GRID2: variants seen among roughly 807,000 people sequenced by gnomAD.
GRID2 encodes glutamate ionotropic receptor delta type subunit 2.
Under a neutral mutation model 114.8 loss-of-function variants are expected in GRID2, and 33 were observed. That is an observed-to-expected ratio of 0.29 (90% CI 0.22 to 0.38). The LOEUF (loss-of-function observed/expected upper bound fraction) is 0.38, where lower values mean the gene tolerates loss of function less well. GRID2 is among the 10% of genes least tolerant of loss of function. GRID2 has a pLI of 1.00. For synonymous variants in GRID2, 505 were observed against 449.9 expected, an observed-to-expected ratio of 1.12 and a Z score of -1.55; for missense variants, 1,184 against 1,257.7, an observed-to-expected ratio of 0.94 and a Z score of 0.89.
At chr4:93,418,167 C>T (rs533888668) in intron 9 of GRID2, among the ~76,000 whole-genome samples, 3 of 151,834 alleles carry the variant, frequency 2.0e-5, no homozygotes, top group African/African-American at 7.2e-5. Context: ...TCTATTTCGA[C>T]TTCTAGAAAT....
At chr4:92,562,294 T>A (rs1323387990) in intron 1 of GRID2, among the ~76,000 whole-genome samples, 1 of 152,202 alleles carries the variant, frequency 6.6e-6, no homozygotes, top group Non-Finnish European at 1.5e-5. Flanking sequence ...GATAAAATTA[T>A]TCTGATTTTC....
intron 2 of GRID2, among the ~76,000 whole-genome samples, chr4:92,731,451 T>C (rs1736325510): frequency 6.6e-6 from 1 of 151,846 alleles, no homozygotes; most frequent in Non-Finnish European, 1.5e-5. Context: ...TCTAAGAAAA[T>C]TCTGAAATAC....
chr4:93,545,362 A>G (rs879570588), intron 13 of GRID2, among the ~76,000 whole-genome samples: 2 of 152,192 alleles, frequency 1.3e-5, no homozygotes, highest in African/African-American at 2.4e-5. Context: ...GATAAGATTT[A>G]GTAGCTATGG....
At chr4:93,112,992 G>A (rs116801450) in intron 4 of GRID2, among the ~76,000 whole-genome samples, 2,261 of 152,160 alleles carry the variant, frequency 0.015, 27 homozygotes, top group Non-Finnish European at 0.024. Context: ...CTAAGGTACC[G>A]GATATTAGGA....
chr4:92,708,936 G>A (rs1487875651), intron 2 of GRID2, among the ~76,000 whole-genome samples: 4 of 152,114 alleles, frequency 2.6e-5, no homozygotes, highest in African/African-American at 9.6e-5. Context: ...TAAATAAAGG[G>A]GGAAATATTT....
chr4:92,986,371 A>C (rs763302394), intron 2 of GRID2, among the ~76,000 whole-genome samples: 10 of 152,218 alleles, frequency 6.6e-5, no homozygotes, highest in Non-Finnish European at 1.5e-4. Flanking sequence ...GTCAAGAAAA[A>C]GTGAAAAATA....
At chr4:93,112,651 T>C (rs1732878803) in intron 4 of GRID2, among the ~76,000 whole-genome samples, 1 of 152,080 alleles carries the variant, frequency 6.6e-6, no homozygotes, top group South Asian at 2.1e-4. Context: ...ATAATGCTAG[T>C]GTATTCCTTT....
intron 2 of GRID2, among the ~76,000 whole-genome samples, chr4:92,956,507 A>AT (rs1179723938): frequency 6.6e-6 from 1 of 151,920 alleles, no homozygotes; most frequent in Admixed American, 6.6e-5. Flanking sequence ...TTGATAGCTC[A>AT]TTTTTTTAGT....
chr4:92,903,181 C>T (rs549304883), intron 2 of GRID2, among the ~76,000 whole-genome samples: 1 of 151,330 alleles, frequency 6.6e-6, no homozygotes, highest in African/African-American at 2.4e-5. Context: ...TCTTCTGATT[C>T]ATGAGCATGG....
At chr4:93,779,205 T>C (rs1242256956), downstream of GRID2, among the ~76,000 whole-genome samples, 1 of 130,802 alleles carries the variant, frequency 7.6e-6, no homozygotes, top group Non-Finnish European at 1.6e-5. Context: ...TGTGTCTCTT[T>C]CCCTTTTTTT....
intron 8 of GRID2, among the ~76,000 whole-genome samples, chr4:93,372,589 A>T (rs574337210): frequency 6.6e-6 from 1 of 151,968 alleles, no homozygotes; most frequent in South Asian, 2.1e-4. Context: ...GACTCATTTA[A>T]TTGACTCCTA....
At chr4:93,078,659 A>T (rs1414211431) in intron 2 of GRID2, among the ~76,000 whole-genome samples, 1 of 147,718 alleles carries the variant, frequency 6.8e-6, no homozygotes, top group Admixed American at 6.8e-5. Context: ...TTATATTAGT[A>T]AATATCTGTA....
At chr4:93,095,846 T>C (rs1731176450) in intron 3 of GRID2, among the ~76,000 whole-genome samples, 1 of 152,092 alleles carries the variant, frequency 6.6e-6, no homozygotes. Flanking sequence ...GATTTAATAA[T>C]CAAAAATCTT....
chr4:93,194,957 G>A lies in GRID2; in HGVS notation c.736-12447G>A, dbSNP rs891966721. 3.4e-4 allele frequency among the ~76,000 whole-genome samples: 52 copies of A among 152,110 alleles called. 1 individual carries two copies. Among genetic ancestry groups the A allele is most frequent in the African/African-American group, 1.2e-3 (51 of 41,426 alleles). ...GATGTAAACAATACTCAAATACATT[G>A]TGCACAGCTTTTTAGAATTATGAGA... On this transcript the variant is annotated intron_variant, in intron 4 of 15. Coordinates refer to ENST00000282020, the MANE Select transcript of GRID2 (RefSeq NM_001510.4).
rs1732707861 is a variant in GRID2, at chr4:93,110,945, A to G, written c.727A>G (p.Ile243Val). The G allele has an allele frequency of 6.2e-7, 1 of 1,602,098 alleles. No individual in the cohort carries two copies. Among genetic ancestry groups the G allele is most frequent in the Non-Finnish European group, 8.6e-7 (1 of 1,169,012 alleles). Residue 243 changes from isoleucine (I) to valine (V), a missense_variant, in exon 4 of 16, where the codon ATT (isoleucine) becomes GTT (valine). Ile to Val is a conservative substitution (Grantham distance 29). This residue lies in a region of GRID2 where 455 missense variants were observed against 429.5 expected (regional missense o/e 1.06). Transcript: ENST00000282020. ...GAATCCTGCTACAGCCAAATCCTTC[A>G]TTACTGAGGTAAGTGAAAATTGTCT... is the stretch of plus-strand genomic sequence containing the variant. ...VMNPATAKSF[I>V]TEVVETNLVA... is the part of the protein sequence containing the mutation.
intron 12 of GRID2, among the ~76,000 whole-genome samples, chr4:93,511,094 G>T (rs368210804): frequency 2.0e-5 from 3 of 151,854 alleles, no homozygotes; most frequent in Non-Finnish European, 4.4e-5. Flanking sequence ...GTACCAGCAC[G>T]CCCAGCTAAG....
Position 93,802,458 on chromosome 4 carries a change from A to G in GRID2, c.222-4257A>G, listed in dbSNP as rs566620458. On this transcript the variant is annotated intron_variant, in intron 1 of 1. Coordinates refer to the GRID2 transcript ENST00000637838. ...AGATGTATTGAACATAAAAAGGAGC[A>G]GATTTCATGAGGTGTTACTAGTACC... Among the ~76,000 whole-genome samples, 18 of 152,246 alleles carry G rather than the reference A, an allele frequency of 1.2e-4. No individual in the cohort carries two copies. In the South Asian group the frequency reaches 3.7e-3, roughly 32 times the overall value.
In GRID2 at chr4:93,134,631, AT is replaced by A. The variant is rs543843117; in HGVS notation, c.735+23687del. On this transcript the variant is annotated intron_variant, in intron 4 of 15. Transcript: ENST00000282020. ...CAGTTTTATGAACATAATGAACATC[AT>A]TTTTTTTTACCTTTATGCAAATATT... Among the ~76,000 whole-genome samples the A allele has an allele frequency of 5.3e-4, 80 of 151,488 alleles. No homozygotes were observed. In the South Asian group the frequency reaches 5.4e-3, roughly 10 times the overall value.
intron 4 of GRID2, among the ~76,000 whole-genome samples, chr4:93,137,245 T>C (rs1305123677): frequency 6.6e-6 from 1 of 152,204 alleles, no homozygotes; most frequent in East Asian, 1.9e-4. Context: ...AAACCTCAGC[T>C]TGAGTTTATT....
Sources: gnomAD v4.1 joint callset for allele counts (sites outside exome capture counted in the v4.1 genomes callset) on GRCh38, gnomAD v4.1.1 for gene constraint, gnomAD v4.1.1 regional missense constraint, MANE v1.5 for transcripts, NCBI Gene and HGNC (gene_info 2026-07-23, HGNC 2026-07-21) for gene names.